SLC24A2: variants seen among roughly 807,000 people sequenced by gnomAD.
SLC24A2 encodes solute carrier family 24 member 2.
A neutral mutation model predicts 62.0 loss-of-function variants in SLC24A2; 36 were observed. The ratio of observed to expected loss-of-function variants is 0.58; its 90% CI spans 0.44 to 0.77. The LOEUF (loss-of-function observed/expected upper bound fraction) is 0.77. Among genes scored for constraint, SLC24A2 ranks in the 30% least tolerant of loss-of-function variants. The pLI, the probability that SLC24A2 is intolerant of heterozygous loss-of-function variation, is 0.00. For synonymous variants in SLC24A2, 358 were observed against 294.0 expected (o/e 1.22, Z -2.23); for missense variants, 846 against 817.9 (o/e 1.03, Z -0.42).
At chr9:19,827,931 G>A in the SLC24A2 span, among the ~76,000 whole-genome samples, 1 of 152,110 alleles carries the variant, frequency 6.6e-6, no homozygotes, top group Non-Finnish European at 1.5e-5. Flanking sequence ...TGAAAATTGA[G>A]ATTCATCTGA....
chr9:19,587,198 G>C (rs1256200104), intron 5 of SLC24A2, among the ~76,000 whole-genome samples: 1 of 152,130 alleles, frequency 6.6e-6, no homozygotes, highest in Non-Finnish European at 1.5e-5. Flanking sequence ...CAAGAAATAG[G>C]TGTTGAAAGA....
the SLC24A2 span, among the ~76,000 whole-genome samples, chr9:19,959,221 G>A: frequency 1.3e-5 from 2 of 152,180 alleles, no homozygotes; most frequent in Admixed American, 1.3e-4. Context: ...CTGGGAATTG[G>A]AAAGAAGAAA....
the SLC24A2 span, among the ~76,000 whole-genome samples, chr9:20,030,047 G>A: frequency 1.2e-3 from 184 of 152,196 alleles, no homozygotes; most frequent in African/African-American, 4.2e-3. Context: ...AAAGTTTACC[G>A]CATTAGAAAG....
At chr9:19,832,977 G>C in the SLC24A2 span, among the ~76,000 whole-genome samples, 2 of 151,952 alleles carry the variant, frequency 1.3e-5, no homozygotes, top group South Asian at 2.1e-4. Context: ...GCAGCCAAAA[G>C]ACACATGAAA....
At chr9:19,790,019 G>A (rs1823291869), upstream of SLC24A2, among the ~76,000 whole-genome samples, 1 of 152,082 alleles carries the variant, frequency 6.6e-6, no homozygotes, top group South Asian at 2.1e-4. Context: ...TCATCAATAA[G>A]TAAAGGGAAG....
chr9:19,525,391 C>CTTTTTTTTTTTTTTT (rs572919824), intron 9 of SLC24A2, among the ~76,000 whole-genome samples: 1 of 76,374 alleles, frequency 1.3e-5, no homozygotes. Context: ...TATTTCTTTA[C>CTTTTTTTTTTTTTTT]TTTTTTTTTT....
At chr9:20,102,064 G>A in the SLC24A2 span, among the ~76,000 whole-genome samples, 3 of 152,186 alleles carry the variant, frequency 2.0e-5, no homozygotes, top group Non-Finnish European at 4.4e-5. Context: ...CCCTGTGGTA[G>A]CCACAAAAAC....
At position 19,638,450 on chromosome 9, in the gene SLC24A2, T is replaced by A. The variant is rs79669160; in HGVS notation, c.931-16151A>T. ...CCTGCTCTCTCTATTGAATACAAAATCCACAACTAAGCATTTAAACAACCT... is the reference window on the plus strand; with the variant it reads ...CCTGCTCTCTCTATTGAATACAAAAACCACAACTAAGCATTTAAACAACCT... On this transcript the variant is annotated intron_variant, in intron 2 of 10. Coordinates refer to ENST00000341998, the MANE Select transcript of SLC24A2 (RefSeq NM_020344.4). Among the ~76,000 whole-genome samples, 183 of 152,302 alleles carry A rather than the reference T, an allele frequency of 1.2e-3. 3 individuals carry two copies. The highest frequency in any genetic ancestry group is 3.8e-3 in the African/African-American group (158 of 41,560).
At chr9:19,859,885 G>C in the SLC24A2 span, among the ~76,000 whole-genome samples, 1 of 152,182 alleles carries the variant, frequency 6.6e-6, no homozygotes, top group Non-Finnish European at 1.5e-5. Flanking sequence ...GCCCACATAA[G>C]GAGGGTGCAT....
chr9:19,919,121 A>G, the SLC24A2 span, among the ~76,000 whole-genome samples: 1 of 152,188 alleles, frequency 6.6e-6, no homozygotes, highest in Non-Finnish European at 1.5e-5. Flanking sequence ...AAGCTATGGA[A>G]CCTATCCGAG....
chr9:20,197,737 G>T, the SLC24A2 span, among the ~76,000 whole-genome samples: 1 of 151,982 alleles, frequency 6.6e-6, no homozygotes, highest in Non-Finnish European at 1.5e-5. Flanking sequence ...CCATAATTGG[G>T]GTGATTTTTC....
chr9:19,751,593 G>A (rs906698733), intron 2 of SLC24A2, among the ~76,000 whole-genome samples: 7 of 152,094 alleles, frequency 4.6e-5, no homozygotes, highest in Admixed American at 1.3e-4. Flanking sequence ...AGAAAGGAGA[G>A]AAACCAAATC....
the SLC24A2 span, among the ~76,000 whole-genome samples, chr9:20,204,766 C>T: frequency 1.5e-5 from 2 of 130,808 alleles, no homozygotes; most frequent in African/African-American, 5.9e-5. Context: ...TTTTTTGAGA[C>T]AGAGTCTCGT....
At chr9:19,940,982 C>T in the SLC24A2 span, among the ~76,000 whole-genome samples, 1 of 152,162 alleles carries the variant, frequency 6.6e-6, no homozygotes, top group East Asian at 1.9e-4. Context: ...ATGCTGTGTT[C>T]TGGTCAATAA....
At chr9:19,995,661 A>G in the SLC24A2 span, among the ~76,000 whole-genome samples, 1 of 152,234 alleles carries the variant, frequency 6.6e-6, no homozygotes, top group Non-Finnish European at 1.5e-5. Flanking sequence ...CAGAAATATT[A>G]TTCTGCTATA....
chr9:20,028,549 T>C, the SLC24A2 span, among the ~76,000 whole-genome samples: 1 of 152,156 alleles, frequency 6.6e-6, no homozygotes, highest in Non-Finnish European at 1.5e-5. Flanking sequence ...CTAATTGACA[T>C]CCATGGGTTC....
At chr9:20,021,876 A>T in the SLC24A2 span, among the ~76,000 whole-genome samples, 4 of 152,092 alleles carry the variant, frequency 2.6e-5, no homozygotes, top group Non-Finnish European at 5.9e-5. Flanking sequence ...AGAGCAGCCC[A>T]TGCCCAGCTC....
the SLC24A2 span, among the ~76,000 whole-genome samples, chr9:19,908,750 A>G: frequency 6.6e-6 from 1 of 152,232 alleles, no homozygotes; most frequent in Admixed American, 6.5e-5. Context: ...ATCACTGGCC[A>G]TCATAGAAAT....
intron 2 of SLC24A2, among the ~76,000 whole-genome samples, chr9:19,773,405 G>A (rs574061599): frequency 9.8e-5 from 15 of 152,310 alleles, no homozygotes; most frequent in African/African-American, 3.6e-4. Flanking sequence ...GCCACAGCTG[G>A]AATAAACTGG....
Sources: allele counts gnomAD v4.1 joint callset (sites outside exome capture counted in the v4.1 genomes callset), GRCh38; gene constraint gnomAD v4.1.1; transcripts MANE v1.5; gene names NCBI Gene and HGNC (gene_info 2026-07-23, HGNC 2026-07-21).